The following OPCML variants were observed in gnomAD, a reference collection of about 807,000 sequenced individuals.
OPCML encodes opioid binding protein/cell adhesion molecule like, also known as opioid-binding protein/cell adhesion molecule.
Under a neutral mutation model 37.8 loss-of-function variants are expected in OPCML, and 13 were observed. The ratio of observed to expected loss-of-function variants is 0.34; its 90% CI spans 0.22 to 0.55. The LOEUF (loss-of-function observed/expected upper bound fraction) is 0.55, where lower values mean the gene tolerates loss of function less well. Among genes scored for constraint, OPCML ranks in the 20% least tolerant of loss-of-function variants. OPCML has a pLI of 0.91. For missense variants in OPCML, 341 were observed against 435.6 expected (o/e 0.78, Z 1.93); for synonymous variants, 176 against 168.8 (o/e 1.04, Z -0.33).
chr11:132,752,104 AC>A (rs1317561328), intron 2 of OPCML, among the ~76,000 whole-genome samples: 2 of 152,148 alleles, frequency 1.3e-5, no homozygotes, highest in Non-Finnish European at 2.9e-5. Context: ...GAACCAAAGG[AC>A]CCACAGACAC....
intron 1 of OPCML, among the ~76,000 whole-genome samples, chr11:132,949,913 G>A (rs771610937): frequency 3.9e-5 from 6 of 152,176 alleles, no homozygotes; most frequent in Non-Finnish European, 8.8e-5. Context: ...GTGTGATGAT[G>A]TTGGAAGAGC....
intron 2 of OPCML, among the ~76,000 whole-genome samples, chr11:132,761,718 T>G (rs1315866924): frequency 6.6e-6 from 1 of 152,166 alleles, no homozygotes; most frequent in Admixed American, 6.5e-5. Flanking sequence ...TAACCTTTTA[T>G]CAAGGTTCTT....
chr11:132,436,997 A>C, intron 5 of OPCML: 1 of 884,718 alleles, frequency 1.1e-6, no homozygotes, highest in South Asian at 5.2e-5. Context: ...CTCCAAACCC[A>C]TTCTCAGTTA....
chr11:133,377,073 T>C (rs913329800), intron 1 of OPCML, among the ~76,000 whole-genome samples: 15 of 152,120 alleles, frequency 9.9e-5, no homozygotes, highest in Admixed American at 2.0e-4. Context: ...CGTCCAGCAG[T>C]AAGCATTAGC....
chr11:133,194,899 C>T (rs1592092396), intron 1 of OPCML, among the ~76,000 whole-genome samples: 1 of 152,220 alleles, frequency 6.6e-6, no homozygotes, highest in East Asian at 1.9e-4. Flanking sequence ...GAATTCACTG[C>T]TTTACATGCT....
chr11:133,298,256 G>T (rs1232665778), intron 1 of OPCML: 1 of 152,078 alleles, frequency 6.6e-6, no homozygotes, highest in Non-Finnish European at 1.5e-5. Context: ...AGATAGCCAA[G>T]AAGAAAGATA....
intron 4 of OPCML, among the ~76,000 whole-genome samples, chr11:132,494,081 A>G (rs756506946): frequency 2.6e-5 from 4 of 152,136 alleles, no homozygotes; most frequent in Admixed American, 6.5e-5. Flanking sequence ...TTGCCAAACC[A>G]CTTTATGATC....
intron 1 of OPCML, among the ~76,000 whole-genome samples, chr11:133,000,051 T>C (rs1440449756): frequency 6.6e-6 from 1 of 152,146 alleles, no homozygotes; most frequent in Admixed American, 6.5e-5. Flanking sequence ...TAGAACTTCA[T>C]TTTTGTTTTT....
At chr11:133,167,299 G>A (rs920675690) in intron 1 of OPCML, among the ~76,000 whole-genome samples, 1 of 152,004 alleles carries the variant, frequency 6.6e-6, no homozygotes, top group African/African-American at 2.4e-5. Flanking sequence ...ATAATACCCA[G>A]GTTGCAGAAT....
intron 2 of OPCML, among the ~76,000 whole-genome samples, chr11:132,800,339 T>A (rs920933890): frequency 1.3e-5 from 2 of 152,220 alleles, no homozygotes; most frequent in Non-Finnish European, 2.9e-5. Context: ...ATATACAATG[T>A]CATGTTATTT....
intron 2 of OPCML, among the ~76,000 whole-genome samples, chr11:132,905,225 C>CTTTTTTTTTT (rs373679886): frequency 1.1e-5 from 1 of 88,394 alleles, no homozygotes; most frequent in Non-Finnish European, 2.1e-5. Flanking sequence ...GAAAGCAGTT[C>CTTTTTTTTTT]TTTTTTTTTT....
At chr11:132,778,608 G>A (rs1403300322) in intron 2 of OPCML, among the ~76,000 whole-genome samples, 1 of 152,028 alleles carries the variant, frequency 6.6e-6, no homozygotes, top group Non-Finnish European at 1.5e-5. Context: ...TATTCTTGTT[G>A]TATCTTTTAT....
intron 1 of OPCML, among the ~76,000 whole-genome samples, chr11:133,145,669 T>C (rs143173838): frequency 1.1e-4 from 16 of 152,198 alleles, no homozygotes; most frequent in Admixed American, 2.6e-4. Flanking sequence ...ATAAGGCACA[T>C]TGGATAAGAA....
At chr11:132,702,491 TTCTTTG>T (rs1289801583) in intron 2 of OPCML, among the ~76,000 whole-genome samples, 1 of 152,234 alleles carries the variant, frequency 6.6e-6, no homozygotes, top group Admixed American at 6.5e-5. Flanking sequence ...TTAACGTTCT[TTCTTTG>T]TCTTTGACTT....
intron 3 of OPCML, among the ~76,000 whole-genome samples, chr11:132,652,753 C>T (rs759720272): frequency 5.9e-5 from 9 of 152,194 alleles, no homozygotes; most frequent in African/African-American, 1.9e-4. Flanking sequence ...ACCCTCTCCC[C>T]TCAGGGACCT....
At chr11:133,382,647 A>G (rs932721342) in intron 1 of OPCML, among the ~76,000 whole-genome samples, 2 of 151,914 alleles carry the variant, frequency 1.3e-5, no homozygotes, top group African/African-American at 4.8e-5. Flanking sequence ...ACCCAGATTC[A>G]CCCCTCAATA....
chr11:132,817,723 T>C (rs1326792165), intron 2 of OPCML, among the ~76,000 whole-genome samples: 1 of 151,972 alleles, frequency 6.6e-6, no homozygotes, highest in East Asian at 1.9e-4. Flanking sequence ...AATCTATATA[T>C]TTAGACTGTA....
At chr11:133,430,805 T>C (rs955410206) in intron 1 of OPCML, among the ~76,000 whole-genome samples, 2 of 152,186 alleles carry the variant, frequency 1.3e-5, no homozygotes, top group African/African-American at 4.8e-5. Flanking sequence ...CACAATAAAA[T>C]GAGGTAAATT....
chr11:133,081,176 G>A (rs936063961), intron 1 of OPCML, among the ~76,000 whole-genome samples: 1 of 152,194 alleles, frequency 6.6e-6, no homozygotes, highest in African/African-American at 2.4e-5. Context: ...GTCCCTGGTG[G>A]AGAGGGGAGG....
Sources: allele counts gnomAD v4.1 joint callset (sites outside exome capture counted in the v4.1 genomes callset), GRCh38; gene constraint gnomAD v4.1.1; transcripts MANE v1.5; gene names NCBI Gene and HGNC (gene_info 2026-07-23, HGNC 2026-07-21).